Variants in MYO10 observed in about 807,000 individuals in gnomAD.
MYO10 encodes myosin X.
In MYO10, 133 loss-of-function variants were observed where a neutral mutation model predicts 257.3. The observed-to-expected ratio is 0.52, with a 90% CI of 0.45 to 0.60. The LOEUF is 0.60. Among genes scored for constraint, MYO10 ranks in the 20% least tolerant of loss-of-function variants. MYO10 has a pLI of 0.00. For synonymous variants in MYO10, 1,104 were observed against 1,028.6 expected (o/e 1.07, Z -1.40); for missense variants, 2,399 against 2,635.7 (o/e 0.91, Z 1.97).
intron 2 of MYO10, among the ~76,000 whole-genome samples, chr5:16,875,161 C>A (rs1485857031): frequency 6.6e-6 from 1 of 152,164 alleles, no homozygotes; most frequent in Non-Finnish European, 1.5e-5. Flanking sequence ...GGGGACACAG[C>A]CAAACCATAT....
intron 1 of MYO10, chr5:16,916,405 T>A (rs371310350): frequency 5.3e-4 from 55 of 104,218 alleles, no homozygotes; most frequent in South Asian, 6.9e-4. Flanking sequence ...AGCCATGAAG[T>A]AAAAAAAAAA....
At chr5:16,677,176 G>C (rs1736766212) in intron 33 of MYO10, among the ~76,000 whole-genome samples, 1 of 152,036 alleles carries the variant, frequency 6.6e-6, no homozygotes, top group African/African-American at 2.4e-5. Context: ...TTGGAGGAGA[G>C]GTAATGAATC....
At chr5:16,858,073 A>G (rs35566044) in intron 2 of MYO10, among the ~76,000 whole-genome samples, 21,612 of 152,214 alleles carry the variant, frequency 0.14, 1,766 homozygotes, top group East Asian at 0.27. Flanking sequence ...AAGCATCTGC[A>G]GGGACAAAGA....
rs1470014882 is a variant in MYO10, at chr5:16,701,771, G to C, written c.2624C>G (p.Thr875Ser). The C allele has an allele frequency of 6.2e-7, 1 of 1,613,928 alleles. No individual in the cohort carries two copies. The highest frequency in any genetic ancestry group is 8.5e-7 in the Non-Finnish European group (1 of 1,179,874). ...LQKSQKEAEL[T>S]RELEKQKENK... is the part of the protein sequence containing the mutation. ...TTCCTTCTGTTTCTCCAGTTCACGG[G>C]TCAGTTCAGCTTCCTTCTGGCTCTT... Residue 875 changes from threonine (T) to serine (S), a missense_variant, in exon 25 of 41, where the codon ACC becomes AGC. This residue lies in a region of MYO10 where 1,820 missense variants were observed against 1,939.4 expected (regional missense o/e 0.94). Transcript: ENST00000513610. This position sits in a 1 kb window ranked among gnomAD's most constrained non-coding sequence, Gnocchi z 8.1.
intron 21 of MYO10, among the ~76,000 whole-genome samples, chr5:16,708,180 A>G (rs571664250): frequency 2.6e-5 from 4 of 152,356 alleles, no homozygotes; most frequent in East Asian, 1.9e-4. Flanking sequence ...CTTTTCACCA[A>G]TTAAAACTGA....
At position 16,932,112 on chromosome 5, in the gene MYO10, G is replaced by C. The variant is rs144541707; in HGVS notation, c.21+3676C>G. Among the ~76,000 whole-genome samples, 22 of 152,312 alleles carry C rather than the reference G, an allele frequency of 1.4e-4. No individual in the cohort carries two copies. The East Asian group carries it at 4.2e-3, about 29-fold the overall frequency. On this transcript the variant is annotated intron_variant, in intron 1 of 40. Transcript: ENST00000513610. ...AGAGTGAACCAGACTGGAAGAAACA[G>C]GTATGTCTGGAATATTTTCCACTAA...
intron 38 of MYO10, among the ~76,000 whole-genome samples, chr5:16,671,201 T>G (rs1173394360): frequency 6.6e-6 from 1 of 152,290 alleles, no homozygotes; most frequent in East Asian, 1.9e-4. Flanking sequence ...CCTTGTGCTC[T>G]CTCTCCTGTC....
chr5:16,834,737 A>T (rs1043712446), intron 2 of MYO10, among the ~76,000 whole-genome samples: 1 of 152,246 alleles, frequency 6.6e-6, no homozygotes, highest in Non-Finnish European at 1.5e-5. Flanking sequence ...CCCTTAAGTG[A>T]AATGAAAAGG....
intron 1 of MYO10, among the ~76,000 whole-genome samples, 175 bp downstream of exon 1, chr5:16,935,613 C>T (rs1318702535): frequency 6.6e-6 from 1 of 152,116 alleles, no homozygotes; most frequent in Non-Finnish European, 1.5e-5. Flanking sequence ...GAAACAAAAC[C>T]TGCCCGGGCT....
intron 19 of MYO10, among the ~76,000 whole-genome samples, chr5:16,716,280 A>C (rs1318798426): frequency 6.6e-6 from 1 of 152,046 alleles, no homozygotes; most frequent in Non-Finnish European, 1.5e-5. Context: ...ATAATGATTA[A>C]TAACAGGGCA....
rs183415169 is a variant in MYO10 at position 16,881,676 on chromosome 5, G to C, written c.22-3969C>G. ...ATTGCAAAGTTAAACTGCTGAAATAGGTATTTTTTACATAGATTGTTCCTG... is the reference window on the plus strand; with the variant it reads ...ATTGCAAAGTTAAACTGCTGAAATACGTATTTTTTACATAGATTGTTCCTG... On this transcript the variant is annotated intron_variant, in intron 1 of 40. Coordinates refer to ENST00000513610, the MANE Select transcript of MYO10 (RefSeq NM_012334.3). 3.4e-3 allele frequency among the ~76,000 whole-genome samples: 521 copies of C among 152,284 alleles called. 2 individuals are homozygous for C. Among genetic ancestry groups the C allele is most frequent in the Non-Finnish European group, 5.1e-3 (348 of 68,032 alleles).
At chr5:16,917,039 A>G (rs1279183424) in intron 1 of MYO10, among the ~76,000 whole-genome samples, 1 of 152,194 alleles carries the variant, frequency 6.6e-6, no homozygotes, top group African/African-American at 2.4e-5. Flanking sequence ...AAAGTTGAGA[A>G]GGCCTAGAAA....
At chr5:16,858,742 G>A (rs191214680) in intron 2 of MYO10, among the ~76,000 whole-genome samples, 3 of 152,250 alleles carry the variant, frequency 2.0e-5, no homozygotes, top group East Asian at 3.9e-4. Context: ...GGCGGGTAAC[G>A]AGGTCAGGAG....
chr5:16,900,666 C>A (rs1745351199), intron 1 of MYO10, among the ~76,000 whole-genome samples: 1 of 151,858 alleles, frequency 6.6e-6, no homozygotes, highest in Non-Finnish European at 1.5e-5. Flanking sequence ...GTCCCCCAAA[C>A]CCACCCCATC....
intron 1 of MYO10, among the ~76,000 whole-genome samples, chr5:16,883,932 G>A (rs996113049): frequency 2.6e-5 from 4 of 152,190 alleles, no homozygotes; most frequent in African/African-American, 9.6e-5. Context: ...ACATTCTTTA[G>A]CCAAACATAC....
At chr5:16,674,797 G>A in intron 35 of MYO10, 56 bp downstream of exon 35, 1 of 1,584,910 alleles carries the variant, frequency 6.3e-7, no homozygotes, top group South Asian at 1.1e-5. Flanking sequence ...AGGACCCAGT[G>A]CCCCACCTGT....
chr5:16,900,815 T>C (rs115297396), intron 1 of MYO10, among the ~76,000 whole-genome samples: 1,782 of 149,760 alleles, frequency 0.012, 44 homozygotes, highest in African/African-American at 0.042. Context: ...CCTCGGCTCA[T>C]TGCAACCTTC....
chr5:16,924,081 C>T lies in MYO10; in HGVS notation c.21+11707G>A, dbSNP rs149959390. Among the ~76,000 whole-genome samples the T allele has an allele frequency of 2.8e-3, 426 of 152,222 alleles. 1 individual carries two copies. Among genetic ancestry groups the T allele is most frequent in the Non-Finnish European group, 3.0e-3 (203 of 68,012 alleles). ...CTCCAGCCTAAATGACGGAGTGAGA[C>T]GCTGTCTCAAAAAACTAAAGTAAAA... On this transcript the variant is annotated intron_variant, in intron 1 of 40. Coordinates refer to ENST00000513610, the MANE Select transcript of MYO10 (RefSeq NM_012334.3).
intron 2 of MYO10, among the ~76,000 whole-genome samples, chr5:16,860,011 A>T (rs1247970849): frequency 6.6e-6 from 1 of 152,206 alleles, no homozygotes; most frequent in African/African-American, 2.4e-5. Context: ...GCCACCATGT[A>T]TGTAGCTCAA....
Sources: allele counts gnomAD v4.1 joint callset (sites outside exome capture counted in the v4.1 genomes callset), GRCh38; gene constraint gnomAD v4.1.1; regional missense constraint gnomAD v4.1.1; non-coding constraint Gnocchi (gnomAD v3.1); transcripts MANE v1.5; gene names NCBI Gene and HGNC (gene_info 2026-07-23, HGNC 2026-07-21).